TLL1: variants seen among roughly 807,000 people sequenced by gnomAD.
TLL1 encodes the protein tolloid like 1.
TLL1 carries 49 observed loss-of-function variants against 128.2 expected under a neutral mutation model. The ratio of observed to expected loss-of-function variants is 0.38; its 90% CI spans 0.30 to 0.48. TLL1 has a LOEUF of 0.48. Ranked by LOEUF, TLL1 falls within the 20% of genes least tolerant of loss-of-function variation. The probability of loss-of-function intolerance (pLI) is 0.96; values close to 1 mark genes in which losing one functional copy is unlikely to be tolerated. For synonymous variants in TLL1, 454 were observed against 418.8 expected (o/e 1.08, Z -1.03); for missense variants, 1,123 against 1,242.0 (o/e 0.90, Z 1.44).
chr4:166,075,890 C>T (rs1436055345), intron 17 of TLL1, among the ~76,000 whole-genome samples: 1 of 152,126 alleles, frequency 6.6e-6, no homozygotes, highest in Non-Finnish European at 1.5e-5. Context: ...AATATGGTTA[C>T]ATGTCAGGGA....
intron 1 of TLL1, among the ~76,000 whole-genome samples, chr4:165,983,316 T>C (rs2111000092): frequency 6.6e-6 from 1 of 151,974 alleles, no homozygotes; most frequent in African/African-American, 2.4e-5. Flanking sequence ...AATTTTGTTT[T>C]CTGACCTAAA....
At chr4:166,079,894 A>G (rs897243316) in intron 18 of TLL1, among the ~76,000 whole-genome samples, 1 of 152,170 alleles carries the variant, frequency 6.6e-6, no homozygotes, top group Non-Finnish European at 1.5e-5. Context: ...CTTCAAATTC[A>G]GTAATTATTT....
At chr4:165,941,460 G>T (rs76530492) in intron 1 of TLL1, among the ~76,000 whole-genome samples, 5,440 of 152,178 alleles carry the variant, frequency 0.036, 286 homozygotes, top group African/African-American at 0.12. Flanking sequence ...CAAGCCATTA[G>T]AGCATAGTGT....
At chr4:165,902,882 A>G (rs1481811662) in intron 1 of TLL1, among the ~76,000 whole-genome samples, 1 of 152,198 alleles carries the variant, frequency 6.6e-6, no homozygotes, top group Non-Finnish European at 1.5e-5. Context: ...TAAAGTTCTA[A>G]AACTTGTTTA....
intron 1 of TLL1, among the ~76,000 whole-genome samples, chr4:165,940,733 T>G (rs1013466795): frequency 6.6e-6 from 1 of 152,076 alleles, no homozygotes; most frequent in African/African-American, 2.4e-5. Context: ...AGGAAAGATA[T>G]GATGAGGATA....
Position 166,100,809 on chromosome 4 carries a change from A to G in TLL1, c.2975A>G (p.Asn992Ser), listed in dbSNP as rs1420978646. The stretch of plus-strand genomic sequence containing the variant: ...CATTTCCACACTGATGACACAATCA[A>G]CAAGAAGGGATTTCATATAAGATAC... The part of the protein sequence containing the change: ...LIHFHTDDTI[N>S]KKGFHIRYKS... The change falls in exon 21 of 21, where the codon AAC becomes AGC. Residue 992 changes from asparagine to serine, a missense_variant. Transcript: ENST00000061240. 5.0e-6 allele frequency: 8 copies of G among 1,613,116 alleles called. No individual in the cohort carries two copies. The highest frequency in any genetic ancestry group is 6.8e-6 in the Non-Finnish European group (8 of 1,179,374).
intron 19 of TLL1, among the ~76,000 whole-genome samples, chr4:166,095,920 G>A (rs1741995992): frequency 6.6e-6 from 1 of 152,052 alleles, no homozygotes; most frequent in African/African-American, 2.4e-5. Flanking sequence ...TAGATTTGAT[G>A]AAATCTGTGA....
chr4:166,008,063 T>C lies in TLL1; in HGVS notation c.917+15T>C, dbSNP rs1208129661. 6.3e-7 allele frequency: 1 copy of C among 1,592,248 alleles called. No homozygotes were observed. The highest frequency in any genetic ancestry group is 1.1e-5 in the South Asian group (1 of 90,656). On this transcript the variant is annotated intron_variant, in intron 7 of 20. Coordinates refer to ENST00000061240, the MANE Select transcript of TLL1 (RefSeq NM_012464.5). ...ACCTTCTCAAGGTTGGAGTCTCAGG[T>C]TATACCTTTTGACTTTTAATTCCTT...
Position 165,957,980 on chromosome 4 carries a change from G to A in TLL1, c.170-31401G>A, listed in dbSNP as rs543756973. On this transcript the variant is annotated intron_variant, in intron 1 of 20. Transcript: ENST00000061240. The stretch of plus-strand genomic sequence containing the variant: ...GCGGTGTTTGGTTTTTTGTCCTTGT[G>A]ATAGTTTACTGAGAACGATGATTTC... Among the ~76,000 whole-genome samples, 716 of 150,420 alleles carry A rather than the reference G, an allele frequency of 4.8e-3. 7 individuals are homozygous for A. The highest frequency in any genetic ancestry group is 0.016 in the African/African-American group (647 of 40,854).
chr4:165,924,792 G>C (rs547809767), intron 1 of TLL1, among the ~76,000 whole-genome samples: 26 of 152,298 alleles, frequency 1.7e-4, no homozygotes, highest in Non-Finnish European at 3.7e-4. Flanking sequence ...TCAAAGGACA[G>C]GCTGACTCTT....
chr4:165,895,200 G>T (rs2110839606), intron 1 of TLL1, among the ~76,000 whole-genome samples: 3 of 152,190 alleles, frequency 2.0e-5, no homozygotes, highest in East Asian at 3.9e-4. Context: ...AGATTGGAAA[G>T]GATAGAGCAA....
rs79829929 is a variant in TLL1, at chr4:165,956,883, C to A, written c.170-32498C>A. On this transcript the variant is annotated intron_variant, in intron 1 of 20. Transcript: ENST00000061240. ...TCTGTTTGGGGTCCCTGACTTCCCG[C>A]AATACCTGATACCACAAAAACACAC... is the stretch of plus-strand genomic sequence containing the variant. Among the ~76,000 whole-genome samples the A allele has an allele frequency of 2.3e-3, 347 of 152,170 alleles. 6 individuals carry two copies. The East Asian group carries it at 0.043, about 19-fold the overall frequency.
In TLL1 at chr4:166,091,001, T is replaced by C. The variant is rs1741745474; in HGVS notation, c.2443-127T>C. On this transcript the variant is annotated intron_variant, in intron 18 of 20. Transcript: ENST00000061240. ...TTGATTTCACCTTTCTTAATTATGC[T>C]GTAAATGTGTTAAATTATTAGTATG... 7.0e-6 allele frequency: 5 copies of C among 713,858 alleles called. No individual in the cohort carries two copies. In the South Asian group the frequency reaches 9.4e-5, roughly 13 times the overall value. The allele number at this position is 713,858 out of a possible 1,614,324, so 44.2% of individuals were successfully genotyped here.
chr4:165,972,407 T>C (rs2110979959), intron 1 of TLL1, among the ~76,000 whole-genome samples: 1 of 152,344 alleles, frequency 6.6e-6, no homozygotes, highest in Middle Eastern at 3.4e-3. Flanking sequence ...TACATGGTTG[T>C]TCCTCCTGGA....
intron 8 of TLL1, among the ~76,000 whole-genome samples, chr4:166,021,364 G>T (rs1360195339): frequency 1.3e-5 from 2 of 151,428 alleles, no homozygotes; most frequent in Non-Finnish European, 1.5e-5. Flanking sequence ...GAACATTGTT[G>T]CCTCCTTCCT....
chr4:165,932,728 T>C (rs1733588160), intron 1 of TLL1, among the ~76,000 whole-genome samples: 1 of 152,170 alleles, frequency 6.6e-6, no homozygotes, highest in African/African-American at 2.4e-5. Flanking sequence ...AAAACATCAC[T>C]TAAAGTCAGT....
chr4:165,877,080 A>G (rs536220128), intron 1 of TLL1, among the ~76,000 whole-genome samples: 20 of 152,348 alleles, frequency 1.3e-4, no homozygotes, highest in Non-Finnish European at 2.2e-4. Context: ...GTGTTACCCA[A>G]TGAGATTTGT....
intron 1 of TLL1, among the ~76,000 whole-genome samples, chr4:165,941,597 A>C (rs561301131): frequency 5.3e-5 from 8 of 152,132 alleles, no homozygotes; most frequent in Admixed American, 2.0e-4. Flanking sequence ...TCCTTAACAA[A>C]TTGTTTAGAT....
chr4:165,993,938 C>T (rs1050588228), intron 3 of TLL1, among the ~76,000 whole-genome samples: 2 of 152,070 alleles, frequency 1.3e-5, no homozygotes, highest in East Asian at 3.9e-4. Context: ...TTAGACTGTA[C>T]TGTGGAATAT....
Sources: allele counts gnomAD v4.1 joint callset (sites outside exome capture counted in the v4.1 genomes callset), GRCh38; gene constraint gnomAD v4.1.1; transcripts MANE v1.5; gene names NCBI Gene and HGNC (gene_info 2026-07-23, HGNC 2026-07-21).